The following GALNTL6 variants were observed in gnomAD, a reference collection of about 807,000 sequenced individuals.
The protein encoded by GALNTL6 is polypeptide N-acetylgalactosaminyltransferase-like 6.
In GALNTL6, 46 loss-of-function variants were observed where a neutral mutation model predicts 73.7. That is an observed-to-expected ratio of 0.62 (90% CI 0.49 to 0.80). The LOEUF (loss-of-function observed/expected upper bound fraction) is 0.80. GALNTL6 is among the 30% of genes least tolerant of loss of function. The pLI is 0.00. For missense variants in GALNTL6, 604 were observed against 755.0 expected, an observed-to-expected ratio of 0.80 and a Z score of 2.34; for synonymous variants, 259 against 263.7, an observed-to-expected ratio of 0.98 and a Z score of 0.17.
chr4:172,268,575 C>T lies in GALNTL6; in HGVS notation c.247+38811C>T, dbSNP rs371056315. 3.8e-3 allele frequency among the ~76,000 whole-genome samples: 585 copies of T among 152,312 alleles called. 2 individuals carry two copies. Among genetic ancestry groups the T allele is most frequent in the African/African-American group, 0.013 (551 of 41,580 alleles). Reference sequence around the variant, plus strand: ...CCCAACTAGGGCTGAGAGCTGAGTGCTCTCTGTAGCTAATACCTTTCGCAG... The same window carrying T: ...CCCAACTAGGGCTGAGAGCTGAGTGTTCTCTGTAGCTAATACCTTTCGCAG... On this transcript the variant is annotated intron_variant, in intron 3 of 12. Coordinates refer to ENST00000506823, the MANE Select transcript of GALNTL6 (RefSeq NM_001034845.3).
intron 11 of GALNTL6, among the ~76,000 whole-genome samples, chr4:173,014,038 T>G (rs530462376): frequency 1.5e-5 from 2 of 136,554 alleles, no homozygotes; most frequent in South Asian, 2.2e-4. Context: ...AAATAATCCG[T>G]TTTTTTCCAA....
chr4:172,877,750 G>C (rs984726278), intron 7 of GALNTL6, among the ~76,000 whole-genome samples: 1 of 151,652 alleles, frequency 6.6e-6, no homozygotes, highest in Non-Finnish European at 1.5e-5. Flanking sequence ...TCTTCAGTAA[G>C]AACCTGTTGC....
At chr4:172,935,545 A>T (rs1249036018) in intron 9 of GALNTL6, among the ~76,000 whole-genome samples, 2 of 152,118 alleles carry the variant, frequency 1.3e-5, no homozygotes, top group African/African-American at 4.8e-5. Context: ...CTGACTAATA[A>T]AGAAGAAAAG....
At chr4:172,894,070 C>A (rs1394866053) in intron 8 of GALNTL6, among the ~76,000 whole-genome samples, 1 of 152,128 alleles carries the variant, frequency 6.6e-6, no homozygotes, top group African/African-American at 2.4e-5. Flanking sequence ...TATTTTCTTT[C>A]AGAAGATCTG....
chr4:171,832,903 T>C (rs1735016313), intron 2 of GALNTL6, among the ~76,000 whole-genome samples: 1 of 151,806 alleles, frequency 6.6e-6, no homozygotes, highest in Non-Finnish European at 1.5e-5. Flanking sequence ...CCTTCCATCA[T>C]TAGAGCAAAA....
intron 7 of GALNTL6, among the ~76,000 whole-genome samples, chr4:172,857,117 G>A (rs1307024330): frequency 1.3e-5 from 2 of 152,188 alleles, no homozygotes; most frequent in East Asian, 1.9e-4. Context: ...CAGCTCCACC[G>A]ACTTCAGTCT....
chr4:172,992,939 T>G (rs1490351043), intron 10 of GALNTL6, among the ~76,000 whole-genome samples: 1 of 152,168 alleles, frequency 6.6e-6, no homozygotes, highest in Non-Finnish European at 1.5e-5. Flanking sequence ...AAAAGTTAGT[T>G]CACCCTACCC....
intron 5 of GALNTL6, among the ~76,000 whole-genome samples, chr4:172,803,841 A>G (rs1189384963): frequency 2.6e-5 from 4 of 152,216 alleles, no homozygotes; most frequent in South Asian, 4.1e-4. Flanking sequence ...AAATCATACT[A>G]GAAGCAATTA....
chr4:172,161,406 T>C, intron 2 of GALNTL6, among the ~76,000 whole-genome samples: 1 of 151,970 alleles, frequency 6.6e-6, no homozygotes, highest in East Asian at 1.9e-4. Flanking sequence ...GGAAAAATAA[T>C]ACAGAAGAAA....
intron 2 of GALNTL6, among the ~76,000 whole-genome samples, chr4:172,127,842 C>G (rs2111011694): frequency 1.3e-5 from 2 of 152,182 alleles, no homozygotes; most frequent in South Asian, 4.2e-4. Context: ...GTGGCTCAAG[C>G]CTGAAATCCC....
chr4:171,905,004 T>A (rs1042769165), intron 2 of GALNTL6, among the ~76,000 whole-genome samples: 1 of 151,732 alleles, frequency 6.6e-6, no homozygotes, highest in African/African-American at 2.4e-5. Context: ...GCGCTAAACA[T>A]GGAAAGGAAC....
At chr4:172,974,948 G>A (rs913956958) in intron 10 of GALNTL6, among the ~76,000 whole-genome samples, 1 of 152,244 alleles carries the variant, frequency 6.6e-6, no homozygotes, top group African/African-American at 2.4e-5. Flanking sequence ...GAACCACAGA[G>A]CTCCAAAGAG....
At chr4:172,676,036 T>C (rs1732285309) in intron 5 of GALNTL6, among the ~76,000 whole-genome samples, 1 of 152,092 alleles carries the variant, frequency 6.6e-6, no homozygotes, top group South Asian at 2.1e-4. Flanking sequence ...TGGTTTTAAA[T>C]AAAAAAGTAT....
At chr4:172,013,143 C>T (rs145405840) in intron 2 of GALNTL6, among the ~76,000 whole-genome samples, 6 of 152,066 alleles carry the variant, frequency 3.9e-5, no homozygotes, top group Non-Finnish European at 5.9e-5. Context: ...ATTAGCAAAC[C>T]CATCACCTCA....
chr4:172,611,359 C>G (rs1001053722), intron 5 of GALNTL6, among the ~76,000 whole-genome samples: 7 of 151,652 alleles, frequency 4.6e-5, no homozygotes, highest in African/African-American at 1.7e-4. Context: ...AAGGACCTCT[C>G]ATAAGAAAGT....
At chr4:172,360,887 C>G (rs1485456963) in intron 5 of GALNTL6, among the ~76,000 whole-genome samples, 6 of 152,134 alleles carry the variant, frequency 3.9e-5, no homozygotes, top group Non-Finnish European at 8.8e-5. Flanking sequence ...TGAAATATTG[C>G]AAGTCCAGGT....
chr4:171,912,154 T>TAATC (rs1737492142), intron 2 of GALNTL6, among the ~76,000 whole-genome samples: 1 of 152,104 alleles, frequency 6.6e-6, no homozygotes, highest in African/African-American at 2.4e-5. Context: ...TTAAAGAAAA[T>TAATC]AATCAATGAT....
intron 2 of GALNTL6, among the ~76,000 whole-genome samples, chr4:171,821,301 G>A (rs925052390): frequency 2.0e-5 from 3 of 151,936 alleles, no homozygotes; most frequent in Non-Finnish European, 2.9e-5. Context: ...TCAGCCTCCC[G>A]AAGTGCCGGG....
chr4:172,934,524 A>C (rs1748510153), intron 9 of GALNTL6, among the ~76,000 whole-genome samples: 2 of 152,224 alleles, frequency 1.3e-5, no homozygotes, highest in South Asian at 4.1e-4. Context: ...ACAAAATGTA[A>C]AAACCTAGGA....
Sources: gnomAD v4.1 joint callset for allele counts (sites outside exome capture counted in the v4.1 genomes callset) on GRCh38, gnomAD v4.1.1 for gene constraint, MANE v1.5 for transcripts, NCBI Gene and HGNC (gene_info 2026-07-23, HGNC 2026-07-21) for gene names.